EDARADD: variants seen among roughly 807,000 people sequenced by gnomAD.
The protein encoded by EDARADD is EDAR associated via death domain, also known as ectodysplasin-A receptor-associated adapter protein.
In EDARADD, 20 loss-of-function variants were observed where a neutral mutation model predicts 25.6. The observed-to-expected ratio is 0.78, with a 90% confidence interval of 0.55 to 1.14. The LOEUF (loss-of-function observed/expected upper bound fraction) is 1.14, where lower values mean the gene tolerates loss of function less well. Among genes scored for constraint, EDARADD ranks in the 50% most tolerant of loss-of-function variants. The pLI, the probability that EDARADD is intolerant of heterozygous loss-of-function variation, is 0.00. For synonymous variants in EDARADD, 86 were observed against 94.4 expected (o/e 0.91, Z 0.52); for missense variants, 225 against 270.1 (o/e 0.83, Z 1.17).
At chr1:236,439,898 A>G (rs1658356823) in intron 4 of EDARADD, among the ~76,000 whole-genome samples, 1 of 152,126 alleles carries the variant, frequency 6.6e-6, no homozygotes, top group African/African-American at 2.4e-5. Context: ...TGCCTTTGGT[A>G]CTATATCTAA....
intron 4 of EDARADD, among the ~76,000 whole-genome samples, chr1:236,458,591 T>C (rs1042324586): frequency 5.3e-5 from 8 of 152,030 alleles, no homozygotes; most frequent in African/African-American, 1.9e-4. Flanking sequence ...GAAAACAGCA[T>C]GATTTTCAGT....
At chr1:236,479,378 C>A (rs2103040897) in intron 5 of EDARADD, among the ~76,000 whole-genome samples, 1 of 151,838 alleles carries the variant, frequency 6.6e-6, no homozygotes, top group Admixed American at 6.6e-5. Flanking sequence ...GTCTGTGGTC[C>A]CAGCTACTCA....
At chr1:236,410,717 T>C (rs1431605416) in intron 2 of EDARADD, among the ~76,000 whole-genome samples, 1 of 152,226 alleles carries the variant, frequency 6.6e-6, no homozygotes, top group Non-Finnish European at 1.5e-5. Flanking sequence ...TGAAAAGTTT[T>C]GGTTAACTGA....
intron 1 of EDARADD, among the ~76,000 whole-genome samples, chr1:236,403,413 G>A (rs113309200): frequency 5.9e-5 from 9 of 152,066 alleles, no homozygotes; most frequent in African/African-American, 2.2e-4. Context: ...TCAGCCTCCT[G>A]AGTAGCTGGG....
chr1:236,479,947 G>A (rs1263362752), intron 5 of EDARADD, among the ~76,000 whole-genome samples: 1 of 151,524 alleles, frequency 6.6e-6, no homozygotes, highest in African/African-American at 2.4e-5. Context: ...TTGGGAGGCT[G>A]AGGCAGGAGA....
chr1:236,366,843 G>A (rs977073318), intron 3 of EDARADD, among the ~76,000 whole-genome samples: 1 of 151,722 alleles, frequency 6.6e-6, no homozygotes, highest in African/African-American at 2.4e-5. Flanking sequence ...TTGGGAGCCC[G>A]AGGTGGGCGG....
intron 1 of EDARADD, among the ~76,000 whole-genome samples, chr1:236,405,749 C>CTTTCTTTA (rs1196329652): frequency 2.0e-5 from 1 of 50,218 alleles, no homozygotes; most frequent in Non-Finnish European, 4.5e-5. Context: ...TTCTTTCTTT[C>CTTTCTTTA]TTTCTTTCTT....
intron 3 of EDARADD, among the ~76,000 whole-genome samples, chr1:236,426,696 C>G (rs187715467): frequency 3.8e-4 from 58 of 152,242 alleles, no homozygotes; most frequent in African/African-American, 1.3e-3. Flanking sequence ...TCACTTGAGG[C>G]CAGGAGTTCA....
intron 1 of EDARADD, among the ~76,000 whole-genome samples, chr1:236,396,232 T>C (rs1290429352): frequency 2.0e-5 from 3 of 152,196 alleles, no homozygotes; most frequent in Non-Finnish European, 4.4e-5. Flanking sequence ...AGTTCTGTCT[T>C]TATTTTAAAA....
At chr1:236,425,728 T>A (rs1386514572) in intron 3 of EDARADD, among the ~76,000 whole-genome samples, 1 of 152,164 alleles carries the variant, frequency 6.6e-6, no homozygotes, top group Non-Finnish European at 1.5e-5. Context: ...TGGGGTCCAG[T>A]CAGTTCACAA....
chr1:236,363,271 C>T lies in EDARADD; in HGVS notation c.-6+12432C>T, dbSNP rs114279121. The stretch of plus-strand genomic sequence containing the variant: ...ATCTGATATGGTTTGGATCTGTGTC[C>T]CCACCCAAATCTCATGTCAAGTAGT... On this transcript the variant is annotated intron_variant, in intron 3 of 7. Transcript: ENST00000439430. 3.6e-3 allele frequency among the ~76,000 whole-genome samples: 543 copies of T among 151,522 alleles called. 3 individuals carry two copies. The highest frequency in any genetic ancestry group is 0.013 in the African/African-American group (529 of 41,344).
intron 4 of EDARADD, among the ~76,000 whole-genome samples, chr1:236,428,727 ACGGGGTGGCGGCCGGGCAGAGG>A (rs1333397241): frequency 6.7e-6 from 1 of 148,462 alleles, no homozygotes; most frequent in Non-Finnish European, 1.5e-5. Context: ...CACTTCCCAG[ACGGGGTGGCGGCCGGGCAGAGG>A]CTGCAATCTC....
At chr1:236,448,364 C>T (rs1460644311) in intron 4 of EDARADD, among the ~76,000 whole-genome samples, 1 of 152,234 alleles carries the variant, frequency 6.6e-6, no homozygotes, top group Non-Finnish European at 1.5e-5. Flanking sequence ...GCTGCTCCTC[C>T]TGGCTGCCAT....
intron 2 of EDARADD, among the ~76,000 whole-genome samples, chr1:236,411,536 CTCTTCT>C (rs780266575): frequency 1.3e-5 from 2 of 150,416 alleles, no homozygotes; most frequent in African/African-American, 4.9e-5. Context: ...CTTCTTCTTC[CTCTTCT>C]TCTTCTTTTT....
At chr1:236,375,655 C>CAAAAA (rs34232960) in intron 3 of EDARADD, among the ~76,000 whole-genome samples, 12 of 74,556 alleles carry the variant, frequency 1.6e-4, no homozygotes, top group African/African-American at 4.0e-4. Context: ...GACTTGGTCT[C>CAAAAA]AAAAAAAAAA....
intron 4 of EDARADD, among the ~76,000 whole-genome samples, chr1:236,449,832 G>A (rs1171606506): frequency 6.6e-6 from 1 of 152,194 alleles, no homozygotes; most frequent in Non-Finnish European, 1.5e-5. Context: ...TGGGCGCGGT[G>A]GCTCACGCCT....
intron 4 of EDARADD, among the ~76,000 whole-genome samples, chr1:236,429,780 C>G (rs1218250264): frequency 1.3e-5 from 2 of 152,194 alleles, no homozygotes; most frequent in African/African-American, 4.8e-5. Flanking sequence ...TTTTGATATA[C>G]ATCTTTCTGG....
At position 236,483,551 on chromosome 1, in the gene EDARADD, C is replaced by T. The variant is rs1659744303; in HGVS notation, c.*902C>T. ...CTAGTGCTGTTGAGAAGGGGGTTCC[C>T]CTGTACCACCACATCGCCGACTTGT... On this transcript the variant is annotated 3_prime_UTR_variant, in exon 6 of 6. Coordinates refer to ENST00000334232, the MANE Select transcript of EDARADD (RefSeq NM_145861.4). 5 of 1,201,388 alleles carry T rather than the reference C, an allele frequency of 4.2e-6. No individual in the cohort carries two copies. The East Asian group carries it at 1.2e-4, about 28-fold the overall frequency. 74.4% of individuals were successfully genotyped at this position (1,201,388 alleles called of 1,614,324 possible).
intron 3 of EDARADD, among the ~76,000 whole-genome samples, chr1:236,367,508 C>T (rs971475505): frequency 3.3e-5 from 5 of 152,158 alleles, no homozygotes; most frequent in African/African-American, 1.2e-4. Flanking sequence ...GGATTACAGG[C>T]ATGGGCCACC....
Sources: gnomAD v4.1 joint callset for allele counts (sites outside exome capture counted in the v4.1 genomes callset) on GRCh38, gnomAD v4.1.1 for gene constraint, MANE v1.5 for transcripts, NCBI Gene and HGNC (gene_info 2026-07-23, HGNC 2026-07-21) for gene names.